AFF1: variants seen among roughly 807,000 people sequenced by gnomAD.
AFF1 encodes the protein ALF transcription elongation factor 1.
AFF1 carries 48 observed loss-of-function variants against 121.7 expected under a neutral mutation model. The observed-to-expected ratio is 0.39, with a 90% CI of 0.31 to 0.50. AFF1 has a LOEUF of 0.50. Among genes scored for constraint, AFF1 ranks in the 20% least tolerant of loss-of-function variants. The probability of loss-of-function intolerance (pLI) is 0.76; values close to 1 mark genes in which losing one functional copy is unlikely to be tolerated. For synonymous variants in AFF1, 613 were observed against 563.0 expected (o/e 1.09, Z -1.26); for missense variants, 1,523 against 1,511.7 (o/e 1.01, Z -0.12).
intron 2 of AFF1, among the ~76,000 whole-genome samples, chr4:87,023,080 A>AT (rs953076345): frequency 3.1e-4 from 47 of 150,654 alleles, no homozygotes; most frequent in Non-Finnish European, 1.9e-4. Context: ...CTAATTTTTA[A>AT]TTTTTTTTTG....
chr4:87,096,860 C>T (rs1377785639), intron 8 of AFF1, among the ~76,000 whole-genome samples: 1 of 152,162 alleles, frequency 6.6e-6, no homozygotes, highest in Non-Finnish European at 1.5e-5. Context: ...CCTCCTGCCG[C>T]AGCTTCCTGA....
chr4:87,070,266 T>C (rs1168743543), intron 4 of AFF1, among the ~76,000 whole-genome samples: 1 of 152,220 alleles, frequency 6.6e-6, no homozygotes, highest in East Asian at 1.9e-4. Context: ...CCTCCCGAAG[T>C]GCTGGGAGTA....
In AFF1 at chr4:87,090,087, A is replaced by G; in HGVS notation, c.1191+17A>G. ...CCTACAAAGGTAATTCCTTAAAAGT[A>G]TGGCAGGCATTGCATCCACCTTAGT... On this transcript the variant is annotated intron_variant, in intron 6 of 20. Coordinates refer to ENST00000395146, the MANE Select transcript of AFF1 (RefSeq NM_001166693.3). 1 of 1,594,402 alleles carries G rather than the reference A, an allele frequency of 6.3e-7. No homozygotes were observed. Among genetic ancestry groups the G allele is most frequent in the Non-Finnish European group, 8.6e-7 (1 of 1,162,324 alleles).
Position 87,037,441 on chromosome 4 carries a change from A to C in AFF1, c.39-8725A>C, listed in dbSNP as rs534413986. 4.0e-4 allele frequency among the ~76,000 whole-genome samples: 61 copies of C among 152,072 alleles called. 1 individual carries two copies. Among genetic ancestry groups the C allele is most frequent in the Non-Finnish European group, 1.0e-4 (7 of 68,012 alleles). ...GTTCTCCTGAGTCAGCCTTCTGAGT[A>C]GCTGGGATTACAGGCACACACCACC... On this transcript the variant is annotated intron_variant, in intron 2 of 20. Coordinates refer to ENST00000395146, the MANE Select transcript of AFF1 (RefSeq NM_001166693.3).
chr4:87,092,711 T>C (rs1163319401), intron 7 of AFF1, among the ~76,000 whole-genome samples: 2 of 152,206 alleles, frequency 1.3e-5, no homozygotes, highest in African/African-American at 2.4e-5. Context: ...GTAGAGATAC[T>C]GAATAAGATC....
chr4:87,101,290 A>G (rs962097295), intron 8 of AFF1, among the ~76,000 whole-genome samples: 1 of 152,204 alleles, frequency 6.6e-6, no homozygotes, highest in Non-Finnish European at 1.5e-5. Flanking sequence ...TGAAAATGCC[A>G]GGATTCTACG....
Position 87,120,662 on chromosome 4 carries a change from C to T in AFF1, c.2467-4375C>T, listed in dbSNP as rs115554360. Among the ~76,000 whole-genome samples, 686 of 152,316 alleles carry T rather than the reference C, an allele frequency of 4.5e-3. 9 individuals carry two copies. The highest frequency in any genetic ancestry group is 0.016 in the African/African-American group (655 of 41,580). ...CGCTGCCGGTGAATAAGGTGGTTAC[C>T]GCGTCAGCCCCGGCTTGGTTCCTCC... On this transcript the variant is annotated intron_variant, in intron 12 of 20. Coordinates refer to ENST00000395146, the MANE Select transcript of AFF1 (RefSeq NM_001166693.3).
chr4:87,006,005 A>T (rs747715321), intron 2 of AFF1, among the ~76,000 whole-genome samples: 6 of 151,880 alleles, frequency 4.0e-5, no homozygotes, highest in Non-Finnish European at 7.4e-5. Context: ...GGTCTTGGGG[A>T]CTCCCAGGAA....
intron 2 of AFF1, among the ~76,000 whole-genome samples, chr4:86,980,661 A>G (rs1254713679): frequency 6.6e-6 from 1 of 150,464 alleles, no homozygotes; most frequent in African/African-American, 2.5e-5. Flanking sequence ...GTAAGGGTAG[A>G]AAAAAATGAA....
chr4:87,060,399 A>C (rs1033381107), intron 4 of AFF1, among the ~76,000 whole-genome samples: 1 of 152,184 alleles, frequency 6.6e-6, no homozygotes, highest in Non-Finnish European at 1.5e-5. Context: ...GCATATAATA[A>C]AACTGCTGTT....
At chr4:87,074,158 C>A (rs1365147623) in intron 4 of AFF1, among the ~76,000 whole-genome samples, 4 of 152,026 alleles carry the variant, frequency 2.6e-5, no homozygotes, top group African/African-American at 7.2e-5. Context: ...AAATTAAATT[C>A]TTCCGAAAAA....
rs1180623279 is a variant in AFF1, at chr4:86,995,705, C to T, written c.38+47134C>T. ...AGCCTGCCTTGGCCTCCCAAAGTGCCGAGATTGCAGCCTCTGCCCGGCCGC... is the reference window on the plus strand; with the variant it reads ...AGCCTGCCTTGGCCTCCCAAAGTGCTGAGATTGCAGCCTCTGCCCGGCCGC... On this transcript the variant is annotated intron_variant, in intron 2 of 20. Transcript: ENST00000395146. 3.0e-4 allele frequency among the ~76,000 whole-genome samples: 45 copies of T among 151,882 alleles called. No individual in the cohort carries two copies. The East Asian group carries it at 6.5e-3, about 22-fold the overall frequency.
chr4:87,030,605 G>C (rs148047606), intron 2 of AFF1, among the ~76,000 whole-genome samples: 16 of 151,978 alleles, frequency 1.1e-4, no homozygotes, highest in South Asian at 2.1e-4. Context: ...GAACAGTTTG[G>C]GGGTGGGAGT....
At chr4:87,020,479 TTTTTG>T (rs577020520) in intron 2 of AFF1, among the ~76,000 whole-genome samples, 4 of 152,102 alleles carry the variant, frequency 2.6e-5, no homozygotes, top group African/African-American at 4.8e-5. Flanking sequence ...TGATGCCATG[TTTTTG>T]TTTTGTTTTG....
chr4:87,048,688 C>A (rs970121700), intron 4 of AFF1, among the ~76,000 whole-genome samples: 1 of 152,186 alleles, frequency 6.6e-6, no homozygotes, highest in African/African-American at 2.4e-5. Flanking sequence ...TTGTAACTTT[C>A]TGGTGTCAGC....
At chr4:86,947,415 G>T (rs575525585) in intron 1 of AFF1, among the ~76,000 whole-genome samples, 30 of 152,266 alleles carry the variant, frequency 2.0e-4, no homozygotes, top group Non-Finnish European at 3.8e-4. Context: ...AGCTGTGAAG[G>T]ACTATATTCA....
At chr4:87,032,465 G>T (rs1169688362) in intron 2 of AFF1, among the ~76,000 whole-genome samples, 1 of 152,156 alleles carries the variant, frequency 6.6e-6, no homozygotes, top group African/African-American at 2.4e-5. Context: ...AAGCGCTGAT[G>T]GTTCTTTAAA....
At chr4:87,014,888 A>G (rs1432159385) in intron 2 of AFF1, among the ~76,000 whole-genome samples, 2 of 152,246 alleles carry the variant, frequency 1.3e-5, no homozygotes, top group Non-Finnish European at 2.9e-5. Context: ...TGTTTTGTAC[A>G]AAACTATGAA....
intron 1 of AFF1, among the ~76,000 whole-genome samples, chr4:86,938,449 CAA>C (rs35867614): frequency 4.3e-4 from 43 of 100,032 alleles, no homozygotes; most frequent in Middle Eastern, 5.1e-3. Flanking sequence ...GACTCCGTCT[CAA>C]AAAAAAAAAA....
Sources: allele counts gnomAD v4.1 joint callset (sites outside exome capture counted in the v4.1 genomes callset), GRCh38; gene constraint gnomAD v4.1.1; transcripts MANE v1.5; gene names NCBI Gene and HGNC (gene_info 2026-07-23, HGNC 2026-07-21).